Variants in DNM3 observed in about 807,000 individuals in gnomAD.
DNM3 encodes dynamin 3, also known as dynamin-3.
A neutral mutation model predicts 101.6 loss-of-function variants in DNM3; 47 were observed. The ratio of observed to expected loss-of-function variants is 0.46; its 90% CI spans 0.37 to 0.59. DNM3 has a LOEUF of 0.59. Among genes scored for constraint, DNM3 ranks in the 20% least tolerant of loss-of-function variants. DNM3 has a pLI of 0.00. For missense variants in DNM3, 849 were observed against 1,085.7 expected (o/e 0.78, Z 3.06); for synonymous variants, 385 against 387.9 (o/e 0.99, Z 0.09).
intron 10 of DNM3, among the ~76,000 whole-genome samples, chr1:172,050,373 C>A (rs1297136346): frequency 6.6e-6 from 1 of 152,186 alleles, no homozygotes; most frequent in Non-Finnish European, 1.5e-5. Flanking sequence ...CTTACTCCCA[C>A]CAATTATCCT....
intron 1 of DNM3, among the ~76,000 whole-genome samples, chr1:171,893,020 G>A (rs774097415): frequency 2.0e-5 from 3 of 152,048 alleles, no homozygotes; most frequent in Non-Finnish European, 2.9e-5. Flanking sequence ...GGGGACCCCT[G>A]AACTAGAGTA....
At chr1:172,351,452 G>A (rs2067198633) in intron 17 of DNM3, among the ~76,000 whole-genome samples, 1 of 152,146 alleles carries the variant, frequency 6.6e-6, no homozygotes, top group African/African-American at 2.4e-5. Context: ...TTCCAAAGCA[G>A]CCACATGGTC....
At chr1:172,073,053 G>T (rs1187579026) in intron 11 of DNM3, among the ~76,000 whole-genome samples, 1 of 151,870 alleles carries the variant, frequency 6.6e-6, no homozygotes, top group African/African-American at 2.4e-5. Flanking sequence ...CTTCTATGGA[G>T]TGTACATTCT....
intron 14 of DNM3, among the ~76,000 whole-genome samples, chr1:172,184,804 G>C (rs1387104874): frequency 1.3e-5 from 2 of 152,090 alleles, no homozygotes; most frequent in African/African-American, 4.8e-5. Context: ...CCAAATATTA[G>C]AGAAGTTCAT....
chr1:172,270,041 T>A (rs923495449), intron 15 of DNM3, among the ~76,000 whole-genome samples: 1 of 152,138 alleles, frequency 6.6e-6, no homozygotes, highest in African/African-American at 2.4e-5. Flanking sequence ...AGCAATAACA[T>A]GTAGAATATA....
intron 2 of DNM3, among the ~76,000 whole-genome samples, chr1:171,973,713 C>T (rs936749090): frequency 6.6e-6 from 1 of 151,560 alleles, no homozygotes; most frequent in Admixed American, 6.6e-5. Context: ...CCTCTGTCAC[C>T]CAGGCTGGGG....
intron 15 of DNM3, among the ~76,000 whole-genome samples, chr1:172,260,742 G>A (rs973130885): frequency 3.8e-4 from 57 of 151,638 alleles, no homozygotes; most frequent in African/African-American, 9.9e-4. Flanking sequence ...TCTTTGTATT[G>A]TTTTTCAGAA....
intron 14 of DNM3, among the ~76,000 whole-genome samples, chr1:172,231,935 G>A (rs1295751261): frequency 1.3e-5 from 2 of 152,084 alleles, no homozygotes; most frequent in African/African-American, 4.8e-5. Flanking sequence ...AAGAAATATG[G>A]GACTATGTGA....
At chr1:171,967,091 A>C (rs1480471280) in intron 2 of DNM3, among the ~76,000 whole-genome samples, 2 of 152,138 alleles carry the variant, frequency 1.3e-5, no homozygotes, top group African/African-American at 4.8e-5. Context: ...TTGTTTCCTT[A>C]ACCTTAGGGT....
At chr1:172,221,439 T>C (rs2060903466) in intron 14 of DNM3, among the ~76,000 whole-genome samples, 1 of 152,132 alleles carries the variant, frequency 6.6e-6, no homozygotes, top group Non-Finnish European at 1.5e-5. Context: ...TTGAATACCA[T>C]AGTCTAGGTG....
intron 1 of DNM3, among the ~76,000 whole-genome samples, chr1:171,854,521 G>T (rs111382986): frequency 0.02 from 3,015 of 152,102 alleles, 98 homozygotes; most frequent in African/African-American, 0.068. Context: ...ACAAAGTCTC[G>T]CTCTTGTCGC....
At chr1:172,100,548 C>T (rs1007150006) in intron 13 of DNM3, among the ~76,000 whole-genome samples, 5 of 152,220 alleles carry the variant, frequency 3.3e-5, no homozygotes, top group Admixed American at 6.5e-5. Flanking sequence ...GTCCTCTCGC[C>T]TTTCTCCGCT....
chr1:171,890,914 C>A lies in DNM3; in HGVS notation c.162-30834C>A, dbSNP rs140793424. 5.6e-3 allele frequency among the ~76,000 whole-genome samples: 854 copies of A among 152,290 alleles called. 9 individuals carry two copies. Among genetic ancestry groups the A allele is most frequent in the African/African-American group, 0.019 (784 of 41,546 alleles). On this transcript the variant is annotated intron_variant, in intron 1 of 20. Coordinates refer to ENST00000627582, the MANE Select transcript of DNM3 (RefSeq NM_015569.5). ...AACTCCTGGCCTCAAGTAATCCTCC[C>A]ACCTTGGCCTCCCAAAGCACTGGGA...
intron 13 of DNM3, among the ~76,000 whole-genome samples, chr1:172,096,770 G>A (rs1035019391): frequency 6.6e-6 from 1 of 152,142 alleles, no homozygotes; most frequent in East Asian, 1.9e-4. Flanking sequence ...TCTTCCAAAG[G>A]TATTGGAGAC....
chr1:172,222,430 AAT>A (rs2060942175), intron 14 of DNM3, among the ~76,000 whole-genome samples: 1 of 152,208 alleles, frequency 6.6e-6, no homozygotes, highest in Non-Finnish European at 1.5e-5. Context: ...AAGGAAAGGG[AAT>A]ATACCAAGAA....
chr1:172,008,936 TTAA>T (rs1213403331), intron 4 of DNM3, among the ~76,000 whole-genome samples: 8 of 138,178 alleles, frequency 5.8e-5, no homozygotes, highest in African/African-American at 2.1e-4. Context: ...TAATTAAATA[TTAA>T]TAAATATATT....
chr1:172,232,293 G>A lies in DNM3; in HGVS notation c.1660-21280G>A, dbSNP rs1361651746. 5.9e-5 allele frequency among the ~76,000 whole-genome samples: 9 copies of A among 152,084 alleles called. No homozygotes were observed. In the South Asian group the frequency reaches 6.2e-4, roughly 11 times the overall value. ...AACAAAGATCAAAGAGACAAAGAAG[G>A]CCATTACATAATGGTAAAGGGATCA... On this transcript the variant is annotated intron_variant, in intron 14 of 20. Coordinates refer to ENST00000627582, the MANE Select transcript of DNM3 (RefSeq NM_015569.5).
At chr1:172,077,058 C>A (rs954587278) in intron 11 of DNM3, among the ~76,000 whole-genome samples, 3 of 152,072 alleles carry the variant, frequency 2.0e-5, no homozygotes, top group Non-Finnish European at 4.4e-5. Context: ...GTGTATGTAT[C>A]CAGGAATTTA....
At chr1:171,976,497 A>G (rs1279829482) in intron 2 of DNM3, among the ~76,000 whole-genome samples, 1 of 152,174 alleles carries the variant, frequency 6.6e-6, no homozygotes, top group East Asian at 1.9e-4. Context: ...ATTCACTATC[A>G]TGAGAACAGA....
Sources: gnomAD v4.1 joint callset for allele counts (sites outside exome capture counted in the v4.1 genomes callset) on GRCh38, gnomAD v4.1.1 for gene constraint, MANE v1.5 for transcripts, NCBI Gene and HGNC (gene_info 2026-07-23, HGNC 2026-07-21) for gene names.